Variants in SLC1A6 observed in about 807,000 individuals in gnomAD.
SLC1A6 encodes the protein excitatory amino acid transporter 4.
In SLC1A6, 15 loss-of-function variants were observed where a neutral mutation model predicts 42.1. The ratio of observed to expected loss-of-function variants is 0.36; its 90% CI spans 0.24 to 0.55. The LOEUF (loss-of-function observed/expected upper bound fraction) is 0.55. SLC1A6 is among the 20% of genes least tolerant of loss of function. SLC1A6 has a pLI of 0.88. For synonymous variants in SLC1A6, 317 were observed against 319.7 expected (o/e 0.99, Z 0.09); for missense variants, 542 against 772.5 (o/e 0.70, Z 3.54).
intron 6 of SLC1A6, among the ~76,000 whole-genome samples, chr19:14,957,033 C>G (rs1395042990): frequency 1.3e-5 from 2 of 152,182 alleles, no homozygotes; most frequent in Non-Finnish European, 2.9e-5. Flanking sequence ...CCCAAATAAT[C>G]ACTACCTTCA....
chr19:14,976,918 G>A, intron 1 of SLC1A6: 1 of 151,766 alleles, frequency 6.6e-6, no homozygotes, highest in South Asian at 2.1e-4. Flanking sequence ...AATCTGCCCT[G>A]ATTTTCCAGA....
chr19:14,992,953 C>T (rs1259510445), intron 1 of SLC1A6, among the ~76,000 whole-genome samples: 1 of 152,122 alleles, frequency 6.6e-6, no homozygotes, highest in Non-Finnish European at 1.5e-5. Flanking sequence ...GGCATCCCCG[C>T]AGCCCCCAGA....
chr19:15,000,371 A>G (rs577438963), intron 1 of SLC1A6, among the ~76,000 whole-genome samples: 3 of 152,054 alleles, frequency 2.0e-5, no homozygotes, highest in Admixed American at 1.3e-4. Flanking sequence ...CATCTCCCCA[A>G]TTGCCCCCAA....
At chr19:14,952,795 G>T in intron 9 of SLC1A6, 133 bp downstream of exon 9, 2 of 1,153,722 alleles carry the variant, frequency 1.7e-6, no homozygotes, top group Non-Finnish European at 2.4e-6. Context: ...CCTCTCCAAG[G>T]CCTCCTTTTC....
Position 14,956,552 on chromosome 19 carries a change from C to G in SLC1A6, c.1093G>C (p.Val365Leu). 6.2e-7 allele frequency: 1 copy of G among 1,613,134 alleles called. No homozygotes were observed. The change falls in exon 7 of 10, where the codon GTC (valine) becomes CTC (leucine). Residue 365 changes from valine to leucine, a missense_variant. By Grantham distance (32) the Val-to-Leu change is conservative. This residue lies in a region of SLC1A6 where 298 missense variants were observed against 419.4 expected (regional missense o/e 0.71). Coordinates refer to ENST00000594383, the MANE Select transcript of SLC1A6 (RefSeq NM_005071.3). Reference sequence around the variant, plus strand: ...AAGGGGAAGGGGTTCCGGTGAGTGACGAGGAAGTAGATGAGGGGAAGGACA... The same window carrying G: ...AAGGGGAAGGGGTTCCGGTGAGTGAGGAGGAAGTAGATGAGGGGAAGGACA... The part of the protein sequence containing the change: ...GIVLPLIYFL[V>L]THRNPFPFIG...
chr19:14,985,935 G>A (rs2045790427), intron 1 of SLC1A6, among the ~76,000 whole-genome samples: 1 of 152,108 alleles, frequency 6.6e-6, no homozygotes, highest in Admixed American at 6.5e-5. Flanking sequence ...TCCAGCCTGG[G>A]CAGCAGAGCG....
intron 1 of SLC1A6, among the ~76,000 whole-genome samples, chr19:15,001,074 C>A (rs1252429457): frequency 6.6e-6 from 1 of 152,226 alleles, no homozygotes; most frequent in Non-Finnish European, 1.5e-5. Context: ...TTGGTCCACA[C>A]ACATGGAGTA....
chr19:14,991,775 A>G (rs1600032304), intron 1 of SLC1A6, among the ~76,000 whole-genome samples: 1 of 152,282 alleles, frequency 6.6e-6, no homozygotes, highest in Middle Eastern at 3.4e-3. Context: ...ATCCACAATG[A>G]ACAAATAGAT....
intron 1 of SLC1A6, among the ~76,000 whole-genome samples, chr19:15,008,858 T>A (rs75648718): frequency 2.1e-5 from 3 of 142,316 alleles, no homozygotes; most frequent in Admixed American, 7.1e-5. Context: ...TTTTTTTTTT[T>A]ACAGGCAGGC....
At chr19:14,998,003 T>G (rs74182244) in intron 1 of SLC1A6, among the ~76,000 whole-genome samples, 22 of 140,524 alleles carry the variant, frequency 1.6e-4, no homozygotes, top group African/African-American at 4.3e-4. Context: ...AATATGATGT[T>G]TGTGTGTGTG....
intron 1 of SLC1A6, among the ~76,000 whole-genome samples, chr19:14,992,305 T>A (rs2045824419): frequency 6.6e-6 from 1 of 152,216 alleles, no homozygotes; most frequent in Non-Finnish European, 1.5e-5. Flanking sequence ...ACCTGATATT[T>A]TGTATGTGGG....
intron 8 of SLC1A6, 51 bp from the exon 9 acceptor site, chr19:14,953,113 A>G: frequency 7.2e-7 from 1 of 1,384,114 alleles, no homozygotes; most frequent in Non-Finnish European, 1.0e-6. Context: ...GAAGGCGATG[A>G]GGAAGAGAGA....
At chr19:14,954,381 G>A (rs776522485) in intron 7 of SLC1A6, 52 bp from the exon 8 acceptor site, 1 of 1,545,758 alleles carries the variant, frequency 6.5e-7, no homozygotes. Flanking sequence ...GTGGGGGCGG[G>A]GCTGGGAACA....
At position 14,950,226 on chromosome 19, in the gene SLC1A6, C is replaced by T. The variant is rs748144529; in HGVS notation, c.1664G>A (p.Arg555Gln). The T allele has an allele frequency of 6.9e-6, 11 of 1,588,468 alleles. No homozygotes were observed. Among genetic ancestry groups the T allele is most frequent in the African/African-American group, 2.7e-5 (2 of 74,450 alleles). Reference sequence around the variant, plus strand: ...AGCACTCTCGTTGCCTCCCCGTCCCCGGGATGCCCCCTTCTCCTGTGCCAT... The same window carrying T: ...AGCACTCTCGTTGCCTCCCCGTCCCTGGGATGCCCCCTTCTCCTGTGCCAT... ...SLMAQEKGAS[R>Q]GRGGNESAM Residue 555 changes from arginine to glutamine, a missense_variant, in exon 10 of 10, where the codon CGG becomes CAG. Transcript: ENST00000594383.
chr19:14,953,803 A>G (rs1010028659), intron 8 of SLC1A6, among the ~76,000 whole-genome samples: 1 of 152,190 alleles, frequency 6.6e-6, no homozygotes, highest in African/African-American at 2.4e-5. Flanking sequence ...GAATAAATAA[A>G]TGTATAGAGC....
intron 1 of SLC1A6, among the ~76,000 whole-genome samples, chr19:14,992,453 G>T (rs2045824990): frequency 6.6e-6 from 1 of 151,998 alleles, no homozygotes; most frequent in South Asian, 2.1e-4. Flanking sequence ...TAAAGAGCAG[G>T]GTCACGGCCG....
chr19:14,965,016 G>A (rs2045557673), intron 4 of SLC1A6, among the ~76,000 whole-genome samples: 1 of 149,600 alleles, frequency 6.7e-6, no homozygotes, highest in South Asian at 2.1e-4. Context: ...AAACAGTATG[G>A]AGATTTCTTT....
At chr19:14,982,859 A>G (rs961713423), upstream of SLC1A6, among the ~76,000 whole-genome samples, 1 of 152,260 alleles carries the variant, frequency 6.6e-6, no homozygotes, top group Non-Finnish European at 1.5e-5. Context: ...TCATTTTAAC[A>G]TAACAAAAAT....
intron 4 of SLC1A6, among the ~76,000 whole-genome samples, chr19:14,967,651 T>C (rs2045589097): frequency 6.6e-6 from 1 of 152,226 alleles, no homozygotes; most frequent in Non-Finnish European, 1.5e-5. Context: ...GGTTAAGTCA[T>C]GGACCCTACG....
Sources: allele counts gnomAD v4.1 joint callset (sites outside exome capture counted in the v4.1 genomes callset), GRCh38; gene constraint gnomAD v4.1.1; regional missense constraint gnomAD v4.1.1; transcripts MANE v1.5; gene names NCBI Gene and HGNC (gene_info 2026-07-23, HGNC 2026-07-21).